VCF1: variants seen among roughly 807,000 people sequenced by gnomAD.
The protein encoded by VCF1 is VCP nuclear cofactor family member 1.
chr17:73,224,531 T>C, the VCF1 span, among the ~76,000 whole-genome samples: 2 of 152,128 alleles, frequency 1.3e-5, no homozygotes, highest in Non-Finnish European at 2.9e-5. Context: ...AAAGAAAACA[T>C]TTTCATTAGT....
chr17:73,208,293 T>A, the VCF1 span: 1 of 1,612,710 alleles, frequency 6.2e-7, no homozygotes, highest in African/African-American at 1.3e-5. Context: ...CTAAGGCACT[T>A]TTCTCTACAT....
At chr17:73,216,433 C>T in the VCF1 span, among the ~76,000 whole-genome samples, 5 of 152,064 alleles carry the variant, frequency 3.3e-5, no homozygotes, top group African/African-American at 1.2e-4. Flanking sequence ...GAGGGAAGGC[C>T]GATGAGAAAG....
the VCF1 span, chr17:73,227,762 C>T: frequency 7.5e-6 from 4 of 536,794 alleles, no homozygotes; most frequent in Non-Finnish European, 4.8e-6. Flanking sequence ...CAACACTAGC[C>T]GGTATTATGA....
At chr17:73,207,457 A>G in the VCF1 span, 1 of 690,354 alleles carries the variant, frequency 1.4e-6, no homozygotes, top group Non-Finnish European at 2.6e-6. Context: ...GCCCGCTGAC[A>G]CTACCAAGTA....
chr17:73,209,474 A>G, the VCF1 span: 81 of 1,518,488 alleles, frequency 5.3e-5, no homozygotes, highest in East Asian at 1.8e-3. Flanking sequence ...GTAAGTTGAA[A>G]TATCAAATCT....
the VCF1 span, among the ~76,000 whole-genome samples, chr17:73,223,148 C>G: frequency 1.3e-4 from 20 of 152,104 alleles, no homozygotes; most frequent in African/African-American, 4.8e-4. Context: ...AGAAACCTTG[C>G]CTTTACTAAA....
chr17:73,225,926 G>C, the VCF1 span, among the ~76,000 whole-genome samples: 1 of 131,778 alleles, frequency 7.6e-6, no homozygotes, highest in East Asian at 2.1e-4. Flanking sequence ...TTCTGAAACG[G>C]AGTCTTGCTC....
the VCF1 span, chr17:73,207,561 T>TATC: frequency 7.1e-5 from 48 of 679,936 alleles, no homozygotes; most frequent in African/African-American, 6.8e-4. Flanking sequence ...AACCCGGCAC[T>TATC]ATCATTGTAC....
chr17:73,212,972 G>A, the VCF1 span, among the ~76,000 whole-genome samples: 83 of 152,088 alleles, frequency 5.5e-4, no homozygotes, highest in African/African-American at 1.9e-3. Context: ...TTGGCTGGGC[G>A]CGGTGGTTCA....
At chr17:73,210,095 C>G in the VCF1 span, among the ~76,000 whole-genome samples, 1 of 152,192 alleles carries the variant, frequency 6.6e-6, no homozygotes, top group Non-Finnish European at 1.5e-5. Context: ...TCTATACCTG[C>G]TTTTCCCATT....
At chr17:73,220,073 G>A in the VCF1 span, among the ~76,000 whole-genome samples, 3 of 152,000 alleles carry the variant, frequency 2.0e-5, no homozygotes, top group East Asian at 1.9e-4. Flanking sequence ...GAAAAGAGTC[G>A]GCCAAATCAG....
the VCF1 span, chr17:73,209,536 AG>A: frequency 1.9e-6 from 3 of 1,582,632 alleles, no homozygotes; most frequent in East Asian, 6.9e-5. Flanking sequence ...ACATCATGTC[AG>A]AGGCCGCCCT....
chr17:73,227,080 T>G, the VCF1 span: 1 of 1,019,118 alleles, frequency 9.8e-7, no homozygotes, highest in Non-Finnish European at 1.4e-6. Context: ...TAAATTACTG[T>G]TTAAGTAAAT....
At chr17:73,223,881 TGAA>T in the VCF1 span, among the ~76,000 whole-genome samples, 1 of 151,692 alleles carries the variant, frequency 6.6e-6, no homozygotes, top group Admixed American at 6.6e-5. Context: ...CTCAGGAGGC[TGAA>T]GAGGAAGGAT....
At chr17:73,219,445 T>G in the VCF1 span, among the ~76,000 whole-genome samples, 3 of 150,926 alleles carry the variant, frequency 2.0e-5, no homozygotes, top group African/African-American at 4.9e-5. Context: ...GTCAGGAGAT[T>G]GAGACCATCC....
chr17:73,214,309 C>T, the VCF1 span, among the ~76,000 whole-genome samples: 4 of 114,940 alleles, frequency 3.5e-5, no homozygotes, highest in Non-Finnish European at 5.7e-5. Context: ...TGGGTTACAA[C>T]CAGCATTAAA....
At chr17:73,217,519 G>A in the VCF1 span, among the ~76,000 whole-genome samples, 49 of 151,032 alleles carry the variant, frequency 3.2e-4, no homozygotes, top group African/African-American at 8.1e-4. Flanking sequence ...GCGTGGTGGC[G>A]TGCACCTGCA....
chr17:73,209,354 T>C, the VCF1 span: 1 of 843,948 alleles, frequency 1.2e-6, no homozygotes, highest in Non-Finnish European at 1.8e-6. Context: ...GAAATTGCAA[T>C]AGTGCAGCAA....
At chr17:73,216,515 G>A in the VCF1 span, among the ~76,000 whole-genome samples, 54 of 152,246 alleles carry the variant, frequency 3.5e-4, no homozygotes, top group East Asian at 0.01. Flanking sequence ...AGGAAGCTGA[G>A]GGGAAAACAA....
Sources: allele counts gnomAD v4.1 joint callset (sites outside exome capture counted in the v4.1 genomes callset), GRCh38; gene constraint gnomAD v4.1.1; transcripts MANE v1.5; gene names NCBI Gene and HGNC (gene_info 2026-07-23, HGNC 2026-07-21).